The following HDAC4 variants were observed in gnomAD, a reference collection of about 807,000 sequenced individuals.
HDAC4 encodes the protein histone deacetylase A.
HDAC4 carries 16 observed loss-of-function variants against 135.1 expected under a neutral mutation model. That is an observed-to-expected ratio of 0.12 (90% CI 0.08 to 0.18). The LOEUF (loss-of-function observed/expected upper bound fraction) is 0.18, where lower values mean the gene tolerates loss of function less well. Ranked by LOEUF, HDAC4 falls within the 10% of genes least tolerant of loss-of-function variation. The pLI, the probability that HDAC4 is intolerant of heterozygous loss-of-function variation, is 1.00. For missense variants in HDAC4, 1,143 were observed against 1,511.8 expected, an observed-to-expected ratio of 0.76 and a Z score of 4.05; for synonymous variants, 685 against 653.4, an observed-to-expected ratio of 1.05 and a Z score of -0.74.
chr2:239,254,548 T>TTAAAGATAAAAACAGCAAATTAGATA (rs1311491632), intron 2 of HDAC4, among the ~76,000 whole-genome samples: 2 of 152,070 alleles, frequency 1.3e-5, no homozygotes, highest in African/African-American at 4.8e-5. Flanking sequence ...TTAGATCTAG[T>TTAAAGATAAAAACAGCAAATTAGATA]TAAAGATAAA....
rs1259284269 is a variant in HDAC4, at chr2:239,299,494, A to G, written c.22+53184T>C. ...TGCCGAAACCAGAAGAGACATGCAC[A>G]CGAGGCAGGGCGAGTGGTGTTTATT... On this transcript the variant is annotated intron_variant, in intron 2 of 26. Coordinates refer to ENST00000543185, the MANE Select transcript of HDAC4 (RefSeq NM_001378414.1). The surrounding 1 kb of genome is among the most constrained non-coding windows in gnomAD (Gnocchi z 4.0). Among the ~76,000 whole-genome samples the G allele has an allele frequency of 6.6e-6, 1 of 151,952 alleles. No homozygotes were observed. Among genetic ancestry groups the G allele is most frequent in the Non-Finnish European group, 1.5e-5 (1 of 68,022 alleles).
chr2:239,381,084 C>G lies in HDAC4; in HGVS notation c.-220+19894G>C, dbSNP rs117136455. Among the ~76,000 whole-genome samples, 7 of 152,288 alleles carry G rather than the reference C, an allele frequency of 4.6e-5. No individual in the cohort carries two copies. In the East Asian group the frequency reaches 1.4e-3, roughly 29 times the overall value. On this transcript the variant is annotated intron_variant, in intron 1 of 26. Transcript: ENST00000543185. ...ATATTTATGGTGACTGAGCTGTCACCTGAACACGTGACGTACACGCGATGC... is the reference window on the plus strand; with the variant it reads ...ATATTTATGGTGACTGAGCTGTCACGTGAACACGTGACGTACACGCGATGC...
intron 2 of HDAC4, among the ~76,000 whole-genome samples, chr2:239,284,664 C>T (rs529773003): frequency 6.6e-6 from 1 of 152,190 alleles, no homozygotes; most frequent in Admixed American, 6.5e-5. Flanking sequence ...ACAGTAGGGA[C>T]TGGGTGGGAG....
intron 3 of HDAC4, among the ~76,000 whole-genome samples, chr2:239,232,315 T>G (rs1419445466): frequency 6.6e-6 from 1 of 152,272 alleles, no homozygotes; most frequent in Non-Finnish European, 1.5e-5. Context: ...TAATCCTGTA[T>G]GACATTTTGC....
intron 2 of HDAC4, among the ~76,000 whole-genome samples, chr2:239,253,417 T>C (rs1332697182): frequency 6.6e-6 from 1 of 152,240 alleles, no homozygotes; most frequent in Admixed American, 6.5e-5. Context: ...GCTAGCCTTT[T>C]AACTCAACTA....
In HDAC4 at chr2:239,141,026, C is replaced by T. The variant is rs2041338645; in HGVS notation, c.866-1230G>A. 1 of 348,922 alleles carries T rather than the reference C, an allele frequency of 2.9e-6. No individual in the cohort carries two copies. The highest frequency in any genetic ancestry group is 6.2e-6 in the Non-Finnish European group (1 of 160,810). The allele number at this position is 348,922 out of a possible 1,614,324, so 21.6% of individuals were successfully genotyped here. On this transcript the variant is annotated intron_variant, in intron 8 of 26. Coordinates refer to ENST00000543185, the MANE Select transcript of HDAC4 (RefSeq NM_001378414.1). This position sits in a 1 kb window ranked among gnomAD's most constrained non-coding sequence, Gnocchi z 4.9. ...ATTCCAAACTTTGCCTTTATTAGCT[C>T]ATCCATCTCTCAGTCACTGTTTGAG...
chr2:239,156,806 T>G, intron 6 of HDAC4, 33 bp from the exon 7 acceptor site: 1 of 1,613,778 alleles, frequency 6.2e-7, no homozygotes, highest in Non-Finnish European at 8.5e-7. Flanking sequence ...TGGTTTAGTT[T>G]ACCCAGCGCA....
intron 1 of HDAC4, among the ~76,000 whole-genome samples, chr2:239,396,810 A>T (rs1696591001): frequency 6.6e-6 from 1 of 152,224 alleles, no homozygotes; most frequent in Non-Finnish European, 1.5e-5. Flanking sequence ...TTGGTCCTCA[A>T]ATGCTTTCTT....
intron 15 of HDAC4, among the ~76,000 whole-genome samples, chr2:239,105,404 G>C (rs897601970): frequency 3.7e-4 from 57 of 152,290 alleles, no homozygotes; most frequent in African/African-American, 1.4e-3. Context: ...ACACACACAT[G>C]GCTATACTCA....
At chr2:239,371,418 C>G (rs1450459783) in intron 1 of HDAC4, among the ~76,000 whole-genome samples, 1 of 152,094 alleles carries the variant, frequency 6.6e-6, no homozygotes, top group Non-Finnish European at 1.5e-5. Context: ...CATGCACTTA[C>G]ACAACCTCAA....
chr2:239,214,749 A>G (rs1193075106), intron 3 of HDAC4, among the ~76,000 whole-genome samples: 6 of 152,250 alleles, frequency 3.9e-5, no homozygotes, highest in Admixed American at 3.9e-4. Flanking sequence ...TAGTAGATTT[A>G]CCAAGATTTT....
At chr2:239,381,204 G>A (rs1695395901) in intron 1 of HDAC4, among the ~76,000 whole-genome samples, 1 of 152,222 alleles carries the variant, frequency 6.6e-6, no homozygotes, top group African/African-American at 2.4e-5. Context: ...GCAGTGAGCT[G>A]AGCTGCAGTG....
At chr2:239,376,470 G>C (rs1285535423) in intron 1 of HDAC4, among the ~76,000 whole-genome samples, 2 of 151,934 alleles carry the variant, frequency 1.3e-5, no homozygotes, top group Admixed American at 6.6e-5. Context: ...TCCTGATGGT[G>C]CCCCAGATGT....
intron 1 of HDAC4, among the ~76,000 whole-genome samples, chr2:239,385,804 C>T (rs911653599): frequency 3.3e-5 from 5 of 152,270 alleles, no homozygotes; most frequent in African/African-American, 9.6e-5. Context: ...GAGGAAGCCA[C>T]GGAGGCTGTG....
At chr2:239,132,191 C>G (rs1409729616) in intron 11 of HDAC4, among the ~76,000 whole-genome samples, 1 of 152,218 alleles carries the variant, frequency 6.6e-6, no homozygotes, top group African/African-American at 2.4e-5. Context: ...GCCCACTTAA[C>G]CCTCATCAGG....
At chr2:239,261,243 C>T (rs2049346618) in intron 2 of HDAC4, among the ~76,000 whole-genome samples, 1 of 152,192 alleles carries the variant, frequency 6.6e-6, no homozygotes. Context: ...GAGACAGGTA[C>T]TGCCGAGGCC....
chr2:239,362,550 C>G (rs1482350061), intron 1 of HDAC4, among the ~76,000 whole-genome samples: 3 of 152,208 alleles, frequency 2.0e-5, no homozygotes, highest in South Asian at 2.1e-4. Flanking sequence ...ACCCTCCCCA[C>G]CCCATTTCAC....
At chr2:239,065,668 G>A (rs1008593168) in intron 24 of HDAC4, among the ~76,000 whole-genome samples, 1 of 152,214 alleles carries the variant, frequency 6.6e-6, no homozygotes, top group Non-Finnish European at 1.5e-5. Context: ...CTCCCACCCT[G>A]CCCCCTGGCA....
intron 2 of HDAC4, among the ~76,000 whole-genome samples, chr2:239,252,730 G>A (rs181407892): frequency 1.7e-3 from 264 of 152,318 alleles, no homozygotes; most frequent in African/African-American, 5.7e-3. Context: ...TTTCTTAAAC[G>A]ATTTTCCAAG....
Sources: gnomAD v4.1 joint callset for allele counts (sites outside exome capture counted in the v4.1 genomes callset) on GRCh38, gnomAD v4.1.1 for gene constraint, Gnocchi (gnomAD v3.1) non-coding constraint, MANE v1.5 for transcripts, NCBI Gene and HGNC (gene_info 2026-07-23, HGNC 2026-07-21) for gene names.